KCNIP1: variants seen among roughly 807,000 people sequenced by gnomAD.
KCNIP1 encodes the protein potassium voltage-gated channel interacting protein 1.
A neutral mutation model predicts 33.0 loss-of-function variants in KCNIP1; 18 were observed. The observed-to-expected ratio is 0.55, with a 90% confidence interval of 0.38 to 0.81. The LOEUF is 0.81. Ranked by LOEUF, KCNIP1 falls within the 30% of genes least tolerant of loss-of-function variation. The pLI is 0.00. For missense variants in KCNIP1, 238 were observed against 271.6 expected, an observed-to-expected ratio of 0.88 and a Z score of 0.87; for synonymous variants, 93 against 98.3, an observed-to-expected ratio of 0.95 and a Z score of 0.32.
chr5:170,701,852 A>G (rs1368794980), intron 1 of KCNIP1, among the ~76,000 whole-genome samples: 1 of 151,966 alleles, frequency 6.6e-6, no homozygotes, highest in African/African-American at 2.4e-5. Context: ...CAGGTCCACC[A>G]CCTCTTCAGC....
chr5:170,554,159 T>C (rs544095143), intron 1 of KCNIP1, among the ~76,000 whole-genome samples: 4 of 151,970 alleles, frequency 2.6e-5, no homozygotes, highest in South Asian at 4.2e-4. Flanking sequence ...TTTTTAAAAA[T>C]CGTGTGTATC....
chr5:170,646,284 A>G (rs1429311706), intron 1 of KCNIP1, among the ~76,000 whole-genome samples: 2 of 152,208 alleles, frequency 1.3e-5, no homozygotes, highest in Non-Finnish European at 2.9e-5. Flanking sequence ...AGACAAAGAC[A>G]TCAGAAAAGA....
At chr5:170,526,824 G>A (rs888655236) in intron 1 of KCNIP1, among the ~76,000 whole-genome samples, 1 of 150,492 alleles carries the variant, frequency 6.6e-6, no homozygotes, top group Admixed American at 6.7e-5. Context: ...CCAGGTTCCA[G>A]TGATTCTCCT....
At chr5:170,689,776 C>T (rs1159822824) in intron 1 of KCNIP1, among the ~76,000 whole-genome samples, 1 of 152,138 alleles carries the variant, frequency 6.6e-6, no homozygotes, top group Non-Finnish European at 1.5e-5. Context: ...CTGAGATATG[C>T]CCTCGGGAAG....
At chr5:170,638,047 G>A (rs1459714322) in intron 1 of KCNIP1, among the ~76,000 whole-genome samples, 1 of 136,826 alleles carries the variant, frequency 7.3e-6, no homozygotes, top group African/African-American at 2.6e-5. Flanking sequence ...GGTGGGGGGT[G>A]GGGATGTTCC....
In KCNIP1 at chr5:170,599,296, G is replaced by A. The variant is rs995672829; in HGVS notation, c.61+94663G>A. On this transcript the variant is annotated intron_variant, in intron 1 of 7. Coordinates refer to ENST00000328939, the MANE Select transcript of KCNIP1 (RefSeq NM_014592.4). The stretch of plus-strand genomic sequence containing the variant: ...TACAATGGAGGGAAAAGTTGTCACC[G>A]CAGCACACCGTGCATCCCTTTTTGG... Among the ~76,000 whole-genome samples, 8 of 152,076 alleles carry A rather than the reference G, an allele frequency of 5.3e-5. No homozygotes were observed. The East Asian group carries it at 5.8e-4, about 11-fold the overall frequency.
chr5:170,465,301 C>T (rs1561638210), intron 1 of KCNIP1, among the ~76,000 whole-genome samples: 1 of 152,134 alleles, frequency 6.6e-6, no homozygotes, highest in Non-Finnish European at 1.5e-5. Context: ...AGGGAGAAAA[C>T]CCAGCCTGCC....
chr5:170,561,637 C>T (rs961909043), intron 1 of KCNIP1, among the ~76,000 whole-genome samples: 5 of 152,238 alleles, frequency 3.3e-5, no homozygotes, highest in Non-Finnish European at 7.3e-5. Flanking sequence ...AGACCAAGGG[C>T]TTCTTGAGAC....
chr5:170,553,178 C>T (rs1756718970), intron 1 of KCNIP1, among the ~76,000 whole-genome samples: 1 of 152,244 alleles, frequency 6.6e-6, no homozygotes, highest in Non-Finnish European at 1.5e-5. Flanking sequence ...CTCACAACTG[C>T]CCCATGAGGG....
At chr5:170,465,938 T>C (rs183203192) in intron 1 of KCNIP1, among the ~76,000 whole-genome samples, 1 of 151,702 alleles carries the variant, frequency 6.6e-6, no homozygotes, top group Admixed American at 6.6e-5. Context: ...AGGGGGAGGG[T>C]CAGAAAGCCC....
At chr5:170,519,836 G>A (rs939657310) in intron 1 of KCNIP1, among the ~76,000 whole-genome samples, 5 of 152,178 alleles carry the variant, frequency 3.3e-5, no homozygotes, top group Non-Finnish European at 7.3e-5. Context: ...GCCCTCCGCA[G>A]AGGGAGAATT....
rs1754626503 is a variant in KCNIP1, at chr5:170,504,502, C to G, written c.-71C>G. 6.2e-7 allele frequency: 1 copy of G among 1,604,844 alleles called. No individual in the cohort carries two copies. Among genetic ancestry groups the G allele is most frequent in the South Asian group, 1.1e-5 (1 of 90,884 alleles). The stretch of plus-strand genomic sequence containing the variant: ...CCTCCAATTCAGAGTAGACAAACCA[C>G]GGGGATTTCTTTCCAGGGTAGGGGA... On this transcript the variant is annotated 5_prime_UTR_variant, in exon 1 of 8. Transcript: ENST00000328939. This position sits in a 1 kb window ranked among gnomAD's most constrained non-coding sequence, Gnocchi z 6.0.
chr5:170,671,873 C>T (rs774199456), intron 1 of KCNIP1, among the ~76,000 whole-genome samples: 4 of 152,174 alleles, frequency 2.6e-5, no homozygotes, highest in Admixed American at 6.6e-5. Flanking sequence ...GACAGTAAAG[C>T]TTAGATGGTA....
chr5:170,608,115 A>C (rs1423228869), intron 1 of KCNIP1, among the ~76,000 whole-genome samples: 3 of 152,004 alleles, frequency 2.0e-5, no homozygotes, highest in South Asian at 2.1e-4. Flanking sequence ...ACACACACAC[A>C]CCCCACATCC....
chr5:170,536,087 C>T (rs1268526235), intron 1 of KCNIP1, among the ~76,000 whole-genome samples: 1 of 152,234 alleles, frequency 6.6e-6, no homozygotes, highest in Non-Finnish European at 1.5e-5. Flanking sequence ...ATAGTATCCC[C>T]AGTGCCTCAC....
intron 1 of KCNIP1, among the ~76,000 whole-genome samples, chr5:170,488,391 G>T (rs942812477): frequency 6.6e-6 from 1 of 152,110 alleles, no homozygotes; most frequent in Admixed American, 6.5e-5. Context: ...GATGAGCCTG[G>T]GTGATGAATG....
intron 1 of KCNIP1, chr5:170,679,251 T>C (rs1762245649): frequency 6.6e-6 from 1 of 152,234 alleles, no homozygotes; most frequent in Non-Finnish European, 1.5e-5. Context: ...GCAACTGCCT[T>C]GCTGATTTCC....
chr5:170,511,853 T>C (rs1242607832), intron 1 of KCNIP1, among the ~76,000 whole-genome samples: 1 of 152,240 alleles, frequency 6.6e-6, no homozygotes, highest in African/African-American at 2.4e-5. Context: ...CCTCTCCTCC[T>C]GGCTTTGCCT....
At chr5:170,629,107 G>C (rs1159104987) in intron 1 of KCNIP1, among the ~76,000 whole-genome samples, 1 of 152,190 alleles carries the variant, frequency 6.6e-6, no homozygotes, top group Non-Finnish European at 1.5e-5. Context: ...GAAAACATCT[G>C]TTCCCTCCTT....
Sources: allele counts gnomAD v4.1 joint callset (sites outside exome capture counted in the v4.1 genomes callset), GRCh38; gene constraint gnomAD v4.1.1; non-coding constraint Gnocchi (gnomAD v3.1); transcripts MANE v1.5; gene names NCBI Gene and HGNC (gene_info 2026-07-23, HGNC 2026-07-21).